Variants in ACYP2 observed in about 807,000 individuals in gnomAD.
ACYP2 encodes the protein acylphosphatase-2.
ACYP2 carries 12 observed loss-of-function variants against 11.2 expected under a neutral mutation model. The ratio of observed to expected loss-of-function variants is 1.08; its 90% CI spans 0.69 to 1.74. The LOEUF is 1.74. Among genes scored for constraint, ACYP2 ranks in the 40% most tolerant of loss-of-function variants. The pLI, the probability that ACYP2 is intolerant of heterozygous loss-of-function variation, is 0.00. For missense variants in ACYP2, 134 were observed against 101.9 expected, an observed-to-expected ratio of 1.31 and a Z score of -1.35; for synonymous variants, 43 against 32.2, an observed-to-expected ratio of 1.33 and a Z score of -1.13.
chr2:53,992,448 G>T (rs1672346805), intron 2 of ACYP2, among the ~76,000 whole-genome samples: 1 of 152,206 alleles, frequency 6.6e-6, no homozygotes. Flanking sequence ...TGACTAATTA[G>T]GAGGCGTTTT....
At chr2:54,255,325 T>G (rs780364744) in intron 6 of ACYP2, 1 of 1,614,182 alleles carries the variant, frequency 6.2e-7, no homozygotes, top group Non-Finnish European at 8.5e-7. Flanking sequence ...ATTGGTTAAG[T>G]AGCTTAACAT....
chr2:54,049,117 C>T (rs1052233036), intron 2 of ACYP2, among the ~76,000 whole-genome samples: 2 of 152,066 alleles, frequency 1.3e-5, no homozygotes, highest in African/African-American at 2.4e-5. Context: ...AAAAATTAAC[C>T]AGGCGTGGTG....
chr2:54,087,472 C>T (rs183403699), intron 4 of ACYP2, among the ~76,000 whole-genome samples: 7 of 152,216 alleles, frequency 4.6e-5, no homozygotes, highest in Admixed American at 3.9e-4. Flanking sequence ...CCTTAACCTC[C>T]GCAGTAGCTA....
intron 4 of ACYP2, among the ~76,000 whole-genome samples, chr2:54,105,293 T>A (rs1408822327): frequency 6.6e-6 from 1 of 152,118 alleles, no homozygotes; most frequent in Non-Finnish European, 1.5e-5. Flanking sequence ...ACACTGGGCT[T>A]CTTTCAGTTT....
chr2:54,005,177 A>T (rs144747799), intron 2 of ACYP2, among the ~76,000 whole-genome samples: 1 of 152,178 alleles, frequency 6.6e-6, no homozygotes, highest in Non-Finnish European at 1.5e-5. Flanking sequence ...ATACATTTTG[A>T]GTAAATTTTT....
chr2:54,195,815 T>TTTTTTTTTTTG (rs10669711), intron 6 of ACYP2, among the ~76,000 whole-genome samples: 1 of 146,046 alleles, frequency 6.8e-6, no homozygotes, highest in African/African-American at 2.6e-5. Context: ...TTTTTTTTTT[T>TTTTTTTTTTTG]GAGACAGAGT....
intron 2 of ACYP2, among the ~76,000 whole-genome samples, chr2:53,982,731 C>G (rs181116632): frequency 1.3e-5 from 2 of 152,234 alleles, no homozygotes; most frequent in Admixed American, 1.3e-4. Context: ...CATGAGACTT[C>G]TGTTGTCCCA....
chr2:54,029,087 C>T (rs1674446491), intron 2 of ACYP2, among the ~76,000 whole-genome samples: 4 of 152,090 alleles, frequency 2.6e-5, no homozygotes, highest in African/African-American at 9.7e-5. Context: ...ATGGCTTCAG[C>T]CTGGAAAGCT....
intron 6 of ACYP2, among the ~76,000 whole-genome samples, chr2:54,212,138 ATT>A (rs879280526): frequency 1.3e-5 from 2 of 152,078 alleles, no homozygotes; most frequent in African/African-American, 4.8e-5. Context: ...CAAATTTTGG[ATT>A]TTTTTTAAAA....
chr2:54,016,849 C>T lies in ACYP2; in HGVS notation c.63-34109C>T, dbSNP rs1475971204. ...CACGCCATTCTCCTGCCTCAGCCTC[C>T]CGAGTAGCTGGGACTACAGGCGCCC... is the stretch of plus-strand genomic sequence containing the variant. On this transcript the variant is annotated intron_variant, in intron 2 of 6. Coordinates refer to ENST00000607452, the MANE Select transcript of ACYP2 (RefSeq NM_001320586.2). 4.6e-5 allele frequency among the ~76,000 whole-genome samples: 7 copies of T among 151,966 alleles called. 1 individual carries two copies. Among genetic ancestry groups the T allele is most frequent in the African/African-American group, 1.7e-4 (7 of 41,446 alleles).
chr2:54,149,929 T>C (rs948988258), intron 6 of ACYP2, among the ~76,000 whole-genome samples: 2 of 152,192 alleles, frequency 1.3e-5, no homozygotes, highest in South Asian at 2.1e-4. Flanking sequence ...GGCTGATACA[T>C]AGGAAAGGGT....
intron 4 of ACYP2, among the ~76,000 whole-genome samples, chr2:54,058,803 G>A (rs1218386931): frequency 6.7e-6 from 1 of 149,862 alleles, no homozygotes; most frequent in Non-Finnish European, 1.5e-5. Context: ...CTTATTATAA[G>A]CTTGGAATGT....
chr2:53,990,264 CCACCA>C (rs1672224475), intron 2 of ACYP2, among the ~76,000 whole-genome samples: 1 of 152,034 alleles, frequency 6.6e-6, no homozygotes, highest in Non-Finnish European at 1.5e-5. Flanking sequence ...CAGGCATGAG[CCACCA>C]CTCCTGGCAT....
intron 2 of ACYP2, among the ~76,000 whole-genome samples, chr2:54,021,495 A>G (rs936872243): frequency 7.2e-5 from 11 of 152,334 alleles, no homozygotes; most frequent in African/African-American, 2.6e-4. Context: ...TATATCCTAC[A>G]GTAAATAAGT....
chr2:54,088,875 T>A (rs1678081644), intron 4 of ACYP2, among the ~76,000 whole-genome samples: 1 of 152,228 alleles, frequency 6.6e-6, no homozygotes, highest in South Asian at 2.1e-4. Flanking sequence ...ACCACACACA[T>A]TCCTATCGGT....
chr2:54,232,047 G>T (rs1686257800), intron 6 of ACYP2, among the ~76,000 whole-genome samples: 1 of 152,042 alleles, frequency 6.6e-6, no homozygotes, highest in Non-Finnish European at 1.5e-5. Flanking sequence ...ACAAATTATG[G>T]CACTTTATGT....
intron 6 of ACYP2, among the ~76,000 whole-genome samples, chr2:54,172,917 G>A (rs1347852803): frequency 6.6e-6 from 1 of 152,184 alleles, no homozygotes; most frequent in Non-Finnish European, 1.5e-5. Flanking sequence ...TGGTGTATAT[G>A]TGCCACATTT....
intron 6 of ACYP2, among the ~76,000 whole-genome samples, chr2:54,267,653 A>G (rs1341263794): frequency 6.6e-6 from 1 of 152,218 alleles, no homozygotes; most frequent in African/African-American, 2.4e-5. Context: ...TGCTTTCTTT[A>G]TCTACCTGGT....
At chr2:54,018,527 G>T (rs1673819582) in intron 2 of ACYP2, among the ~76,000 whole-genome samples, 1 of 151,974 alleles carries the variant, frequency 6.6e-6, no homozygotes, top group African/African-American at 2.4e-5. Context: ...AAAAGGGAGT[G>T]GGGAGCTAGG....
Sources: gnomAD v4.1 joint callset for allele counts (sites outside exome capture counted in the v4.1 genomes callset) on GRCh38, gnomAD v4.1.1 for gene constraint, MANE v1.5 for transcripts, NCBI Gene and HGNC (gene_info 2026-07-23, HGNC 2026-07-21) for gene names.